Variants in DLGAP2 observed in about 807,000 individuals in gnomAD.
DLGAP2 encodes the protein disks large-associated protein 2.
Under a neutral mutation model 100.3 loss-of-function variants are expected in DLGAP2, and 26 were observed. The observed-to-expected ratio is 0.26, with a 90% CI of 0.19 to 0.36. DLGAP2 has a LOEUF of 0.36. Among genes scored for constraint, DLGAP2 ranks in the 10% least tolerant of loss-of-function variants. The pLI is 1.00. For missense variants in DLGAP2, 1,858 were observed against 1,453.2 expected (o/e 1.28, Z -4.53); for synonymous variants, 886 against 630.1 (o/e 1.41, Z -6.08).
chr8:797,741 G>A (rs1796064551), intron 1 of DLGAP2, among the ~76,000 whole-genome samples: 1 of 151,972 alleles, frequency 6.6e-6, no homozygotes, highest in African/African-American at 2.4e-5. Flanking sequence ...TTTGTGTTTT[G>A]TTTTATTTTA....
intron 2 of DLGAP2, among the ~76,000 whole-genome samples, chr8:1,217,021 C>G (rs935427330): frequency 2.5e-4 from 38 of 152,076 alleles, no homozygotes; most frequent in Admixed American, 2.2e-3. Context: ...GATAAATTGC[C>G]TAGCTGGGGT....
intron 1 of DLGAP2, chr8:822,315 C>T: frequency 2.5e-6 from 1 of 398,712 alleles, no homozygotes; most frequent in Non-Finnish European, 4.4e-6. Context: ...GTGACGGGGG[C>T]CTGGCCAGGC....
chr8:1,605,077 C>T (rs1340371081), intron 6 of DLGAP2, among the ~76,000 whole-genome samples: 1 of 152,170 alleles, frequency 6.6e-6, no homozygotes, highest in Non-Finnish European at 1.5e-5. Flanking sequence ...TCGGTGCCAT[C>T]GGCTCACCTG....
intron 3 of DLGAP2, among the ~76,000 whole-genome samples, chr8:1,344,109 A>T (rs13274801): frequency 0.019 from 496 of 26,710 alleles, 9 homozygotes; most frequent in African/African-American, 0.042. Context: ...TCGTGGGTCC[A>T]TGTATTCGGG....
intron 6 of DLGAP2, among the ~76,000 whole-genome samples, chr8:1,609,640 C>T (rs575179814): frequency 0.066 from 7,645 of 115,932 alleles, 851 homozygotes; most frequent in Admixed American, 0.13. Context: ...ATTCAGGAAA[C>T]CCATCTCACG....
intron 1 of DLGAP2, among the ~76,000 whole-genome samples, chr8:806,654 G>A (rs1474959558): frequency 2.0e-5 from 3 of 152,128 alleles, no homozygotes; most frequent in Non-Finnish European, 4.4e-5. Context: ...CGGGGCCAGC[G>A]CTCCATTTCC....
chr8:1,100,097 T>G (rs1297669531), intron 2 of DLGAP2, among the ~76,000 whole-genome samples: 4 of 152,280 alleles, frequency 2.6e-5, no homozygotes, highest in African/African-American at 9.6e-5. Flanking sequence ...GGGACATGAA[T>G]CATCCCTTTG....
intron 2 of DLGAP2, among the ~76,000 whole-genome samples, chr8:920,895 A>T (rs2129001408): frequency 6.6e-6 from 1 of 152,344 alleles, no homozygotes; most frequent in South Asian, 2.1e-4. Context: ...TGCTTGCTTC[A>T]TGCTGAGCAC....
At chr8:1,232,199 C>T (rs1047155141) in intron 2 of DLGAP2, among the ~76,000 whole-genome samples, 2 of 152,330 alleles carry the variant, frequency 1.3e-5, no homozygotes, top group East Asian at 3.9e-4. Context: ...CAAACTGTCA[C>T]TTTGCACACT....
At chr8:1,513,719 C>G (rs1800260865) in intron 4 of DLGAP2, among the ~76,000 whole-genome samples, 1 of 152,210 alleles carries the variant, frequency 6.6e-6, no homozygotes, top group Non-Finnish European at 1.5e-5. Context: ...TAAAAGTACA[C>G]TTTTTAATAA....
intron 3 of DLGAP2, among the ~76,000 whole-genome samples, chr8:1,335,827 A>G (rs1801260215): frequency 6.6e-6 from 1 of 152,244 alleles, no homozygotes; most frequent in Non-Finnish European, 1.5e-5. Flanking sequence ...TTTCAGATAA[A>G]TAAGAAAATG....
chr8:783,897 A>G (rs746604669), intron 1 of DLGAP2, among the ~76,000 whole-genome samples: 1 of 152,200 alleles, frequency 6.6e-6, no homozygotes, highest in Non-Finnish European at 1.5e-5. Context: ...TGCTTTCAAC[A>G]TAATTAAAAG....
intron 8 of DLGAP2, among the ~76,000 whole-genome samples, chr8:1,642,308 G>C (rs368723268): frequency 0.012 from 172 of 14,126 alleles, no homozygotes; most frequent in South Asian, 0.067. Context: ...TGTCACCCTC[G>C]ACCCCGCCGG....
intron 2 of DLGAP2, among the ~76,000 whole-genome samples, chr8:931,265 C>T (rs1211935065): frequency 6.6e-6 from 1 of 152,178 alleles, no homozygotes; most frequent in African/African-American, 2.4e-5. Context: ...AGTTGTGTTT[C>T]TGAAGAAGTG....
chr8:1,499,533 G>C (rs996139658), intron 3 of DLGAP2, among the ~76,000 whole-genome samples: 3 of 152,164 alleles, frequency 2.0e-5, no homozygotes, highest in Admixed American at 2.0e-4. Flanking sequence ...GACCATTCCA[G>C]TCTGTGGTTT....
chr8:1,274,551 T>A (rs1408880707), intron 3 of DLGAP2, among the ~76,000 whole-genome samples: 1 of 150,572 alleles, frequency 6.6e-6, no homozygotes, highest in African/African-American at 2.4e-5. Flanking sequence ...GGATTTGTTT[T>A]AGAACATAAA....
intron 6 of DLGAP2, among the ~76,000 whole-genome samples, chr8:1,589,461 G>C (rs950011778): frequency 6.6e-6 from 1 of 152,102 alleles, no homozygotes; most frequent in East Asian, 1.9e-4. Flanking sequence ...TTTTGAGGTA[G>C]GGTCTTGCTG....
intron 3 of DLGAP2, among the ~76,000 whole-genome samples, chr8:1,302,788 A>G (rs553242396): frequency 1.3e-5 from 2 of 152,384 alleles, no homozygotes; most frequent in Admixed American, 6.5e-5. Context: ...GACCTTGCCC[A>G]GAGCTTGGCT....
intron 3 of DLGAP2, among the ~76,000 whole-genome samples, chr8:1,465,444 G>A (rs571774058): frequency 1.2e-4 from 18 of 151,404 alleles, no homozygotes; most frequent in Admixed American, 2.6e-4. Context: ...GGGAAGGGGC[G>A]TGGGGTTCCA....
Sources: gnomAD v4.1 joint callset for allele counts (sites outside exome capture counted in the v4.1 genomes callset) on GRCh38, gnomAD v4.1.1 for gene constraint, MANE v1.5 for transcripts, NCBI Gene and HGNC (gene_info 2026-07-23, HGNC 2026-07-21) for gene names.